Variants in PTPRD observed in about 807,000 individuals in gnomAD.
PTPRD encodes protein tyrosine phosphatase receptor type D.
A neutral mutation model predicts 214.5 loss-of-function variants in PTPRD; 34 were observed. The ratio of observed to expected loss-of-function variants is 0.16; its 90% CI spans 0.12 to 0.21. The LOEUF (loss-of-function observed/expected upper bound fraction) is 0.21, where lower values mean the gene tolerates loss of function less well. Ranked by LOEUF, PTPRD falls within the 10% of genes least tolerant of loss-of-function variation. The probability of loss-of-function intolerance (pLI) is 1.00; values close to 1 mark genes in which losing one functional copy is unlikely to be tolerated. For missense variants in PTPRD, 2,545 were observed against 2,398.7 expected, an observed-to-expected ratio of 1.06 and a Z score of -1.27; for synonymous variants, 1,128 against 845.7, an observed-to-expected ratio of 1.33 and a Z score of -5.79.
chr9:9,100,552 T>C (rs1178768986), intron 10 of PTPRD, among the ~76,000 whole-genome samples: 1 of 152,154 alleles, frequency 6.6e-6, no homozygotes, highest in Non-Finnish European at 1.5e-5. Context: ...AGAACATTGT[T>C]CAAGCAGATC....
intron 5 of PTPRD, among the ~76,000 whole-genome samples, chr9:9,878,405 C>G (rs772683277): frequency 2.0e-5 from 3 of 152,090 alleles, no homozygotes; most frequent in Non-Finnish European, 4.4e-5. Flanking sequence ...ATTATAGGGA[C>G]AGCATACTGA....
intron 2 of PTPRD, among the ~76,000 whole-genome samples, chr9:10,491,498 G>C (rs2040218801): frequency 6.6e-6 from 1 of 151,738 alleles, no homozygotes; most frequent in Non-Finnish European, 1.5e-5. Context: ...AGGTATAGAT[G>C]CTACATCATT....
intron 7 of PTPRD, among the ~76,000 whole-genome samples, chr9:9,665,047 G>C (rs568972340): frequency 2.6e-5 from 4 of 151,696 alleles, no homozygotes; most frequent in Admixed American, 1.3e-4. Context: ...CTCTTCATAT[G>C]TGTATATTTG....
chr9:9,214,521 G>T (rs1467522431), intron 9 of PTPRD, among the ~76,000 whole-genome samples: 1 of 151,822 alleles, frequency 6.6e-6, no homozygotes, highest in Non-Finnish European at 1.5e-5. Context: ...AAAGCAGGGG[G>T]TGGGAGAGGG....
At chr9:9,434,729 G>A (rs915510020) in intron 8 of PTPRD, among the ~76,000 whole-genome samples, 4 of 151,554 alleles carry the variant, frequency 2.6e-5, no homozygotes, top group East Asian at 1.9e-4. Context: ...ACAACAAATC[G>A]TACCCCATAA....
At chr9:9,156,185 A>G (rs1201794831) in intron 10 of PTPRD, among the ~76,000 whole-genome samples, 1 of 152,184 alleles carries the variant, frequency 6.6e-6, no homozygotes, top group Admixed American at 6.6e-5. Flanking sequence ...TTTGTGCCAG[A>G]TATGTACATA....
intron 3 of PTPRD, among the ~76,000 whole-genome samples, chr9:10,126,621 A>G (rs1007417047): frequency 1.3e-5 from 2 of 152,048 alleles, no homozygotes; most frequent in African/African-American, 4.8e-5. Flanking sequence ...TCATCACTTA[A>G]CTTTCATCAG....
intron 12 of PTPRD, among the ~76,000 whole-genome samples, chr9:8,672,941 C>A (rs1033124625): frequency 6.6e-6 from 1 of 151,980 alleles, no homozygotes; most frequent in African/African-American, 2.4e-5. Flanking sequence ...ACAGTAGACA[C>A]AGCAAATAAA....
chr9:10,082,840 A>AACAC (rs59362209), intron 3 of PTPRD, among the ~76,000 whole-genome samples: 1,967 of 128,264 alleles, frequency 0.015, 22 homozygotes, highest in African/African-American at 0.031. Flanking sequence ...CACACACACA[A>AACAC]ACACACACAC....
At chr9:8,410,979 T>C (rs2093466569) in intron 35 of PTPRD, among the ~76,000 whole-genome samples, 1 of 150,798 alleles carries the variant, frequency 6.6e-6, no homozygotes, top group South Asian at 2.1e-4. Flanking sequence ...GTACTAAAGA[T>C]GAATTAGTTT....
In PTPRD at chr9:8,974,475, G is replaced by A. The variant is rs186086880; in HGVS notation, c.-104+44222C>T. ...AGCTTTGTTACATAGGTATACATGC[G>A]CCATGGTGGTTTGCTGTACCCATCA... On this transcript the variant is annotated intron_variant, in intron 11 of 45. Transcript: ENST00000381196. Among the ~76,000 whole-genome samples the A allele has an allele frequency of 1.9e-3, 283 of 151,920 alleles. 2 individuals carry two copies. Among genetic ancestry groups the A allele is most frequent in the Middle Eastern group, 3.4e-3 (1 of 294 alleles).
At chr9:8,742,303 G>C (rs2092120354) in intron 11 of PTPRD, among the ~76,000 whole-genome samples, 2 of 151,884 alleles carry the variant, frequency 1.3e-5, no homozygotes, top group African/African-American at 4.8e-5. Context: ...TATACATTGA[G>C]GAATGACTAA....
rs567749260 is a variant in PTPRD, at chr9:10,229,505, C to T, written c.-545+111458G>A. ...AAGAAAATGTGGCACATAAACACCA[C>T]GGAATACTATGCAGCCACAAAAAAT... On this transcript the variant is annotated intron_variant, in intron 3 of 45. Transcript: ENST00000381196. Among the ~76,000 whole-genome samples, 9 of 152,032 alleles carry T rather than the reference C, an allele frequency of 5.9e-5. No individual in the cohort carries two copies. In the South Asian group the frequency reaches 1.5e-3, roughly 25 times the overall value.
chr9:9,485,317 C>T (rs1052661000), intron 8 of PTPRD, among the ~76,000 whole-genome samples: 1 of 152,096 alleles, frequency 6.6e-6, no homozygotes, highest in Non-Finnish European at 1.5e-5. Flanking sequence ...AGGTTTTAGG[C>T]TTTAGAGTAC....
At chr9:9,947,346 A>AT (rs1263631395) in intron 4 of PTPRD, among the ~76,000 whole-genome samples, 1 of 43,688 alleles carries the variant, frequency 2.3e-5, no homozygotes, top group Non-Finnish European at 3.5e-5. Flanking sequence ...TTATATATAT[A>AT]ATATATATTA....
intron 12 of PTPRD, among the ~76,000 whole-genome samples, chr9:8,698,112 T>G (rs77976887): frequency 0.017 from 2,648 of 152,276 alleles, 71 homozygotes; most frequent in Admixed American, 0.07. Context: ...CATTTTCCAT[T>G]TAAGGCAACC....
chr9:10,103,086 G>C (rs1406545749), intron 3 of PTPRD, among the ~76,000 whole-genome samples: 5 of 151,578 alleles, frequency 3.3e-5, no homozygotes, highest in Non-Finnish European at 1.5e-5. Context: ...GGATTACGAA[G>C]AGCTGAGGGA....
At position 10,429,996 on chromosome 9, in the gene PTPRD, T is replaced by C. The variant is rs575936540; in HGVS notation, c.-599-88979A>G. Among the ~76,000 whole-genome samples the C allele has an allele frequency of 4.6e-5, 7 of 152,074 alleles. No homozygotes were observed. The East Asian group carries it at 9.7e-4, about 21-fold the overall frequency. ...TATGCCACTGCTCTCACCAGCTCCC[T>C]GTGTTACCACTAATTCCTATATTTG... On this transcript the variant is annotated intron_variant, in intron 2 of 45. Transcript: ENST00000381196.
chr9:10,069,381 T>C (rs1194751279), intron 3 of PTPRD, among the ~76,000 whole-genome samples: 1 of 152,018 alleles, frequency 6.6e-6, no homozygotes, highest in African/African-American at 2.4e-5. Context: ...CTGTGAACAT[T>C]AGCCCCTTGC....
Sources: gnomAD v4.1 joint callset for allele counts (sites outside exome capture counted in the v4.1 genomes callset) on GRCh38, gnomAD v4.1.1 for gene constraint, MANE v1.5 for transcripts, NCBI Gene and HGNC (gene_info 2026-07-23, HGNC 2026-07-21) for gene names.